Variants in SPATA17 observed in about 807,000 individuals in gnomAD.
The protein encoded by SPATA17 is spermatogenesis-associated protein 17.
In SPATA17, 53 loss-of-function variants were observed where a neutral mutation model predicts 62.2. That is an observed-to-expected ratio of 0.85 (90% CI 0.68 to 1.07). SPATA17 has a LOEUF of 1.07. SPATA17 is among the 50% of genes least tolerant of loss of function. The pLI, the probability that SPATA17 is intolerant of heterozygous loss-of-function variation, is 0.00. For missense variants in SPATA17, 466 were observed against 425.5 expected (o/e 1.10, Z -0.84); for synonymous variants, 146 against 146.8 (o/e 0.99, Z 0.04).
chr1:217,738,215 GA>G (rs1408814159), intron 5 of SPATA17, among the ~76,000 whole-genome samples: 1 of 152,186 alleles, frequency 6.6e-6, no homozygotes, highest in African/African-American at 2.4e-5. Flanking sequence ...AGGGAAAGGA[GA>G]AATTTATTTG....
chr1:217,671,422 T>A (rs1287584297), intron 4 of SPATA17, among the ~76,000 whole-genome samples: 1 of 152,222 alleles, frequency 6.6e-6, no homozygotes, highest in Non-Finnish European at 1.5e-5. Flanking sequence ...AGAAAAATTC[T>A]TTTTGCCTTC....
intron 4 of SPATA17, among the ~76,000 whole-genome samples, chr1:217,669,395 G>A (rs1003988931): frequency 2.0e-5 from 3 of 152,138 alleles, no homozygotes; most frequent in East Asian, 3.8e-4. Context: ...AGAATACATT[G>A]TGATAAATAG....
intron 9 of SPATA17, among the ~76,000 whole-genome samples, chr1:217,813,693 A>T (rs1674648551): frequency 6.6e-6 from 1 of 151,942 alleles, no homozygotes; most frequent in Admixed American, 6.6e-5. Context: ...TAGAGACTGA[A>T]TTTTTTCAGT....
At position 217,812,571 on chromosome 1, in the gene SPATA17, C is replaced by T. The variant is rs545419147; in HGVS notation, c.1005+10721C>T. Among the ~76,000 whole-genome samples, 5 of 152,066 alleles carry T rather than the reference C, an allele frequency of 3.3e-5. No homozygotes were observed. In the East Asian group the frequency reaches 5.8e-4, roughly 18 times the overall value. ...ATTCTAAGTCTGTGTCTTAAATGGT[C>T]GAACCTTTTAAGATCAGGTAAATTC... On this transcript the variant is annotated intron_variant, in intron 9 of 10. Transcript: ENST00000366933.
intron 9 of SPATA17, among the ~76,000 whole-genome samples, chr1:217,839,127 G>A (rs184539854): frequency 1.6e-3 from 242 of 152,182 alleles, no homozygotes; most frequent in African/African-American, 5.7e-3. Context: ...ATTGAGTAGT[G>A]CAGTGTCAAC....
intron 4 of SPATA17, among the ~76,000 whole-genome samples, chr1:217,670,612 T>C (rs535269956): frequency 1.2e-4 from 19 of 152,188 alleles, no homozygotes; most frequent in Non-Finnish European, 2.5e-4. Flanking sequence ...CAATGTTGAA[T>C]TTTACCTGAG....
chr1:217,840,825 C>T (rs1051709011), intron 9 of SPATA17, among the ~76,000 whole-genome samples: 2 of 151,826 alleles, frequency 1.3e-5, no homozygotes, highest in African/African-American at 4.8e-5. Flanking sequence ...CATCATTGCA[C>T]TCCAGCCTGA....
In SPATA17 at chr1:217,770,978, A is replaced by AATTTTTTTTTTTTTTTTTTTTTTTT. The variant is rs1553251071; in HGVS notation, c.520-3356_520-3355insATTTTTTTTTTTTTTTTTTTTTTTT. On this transcript the variant is annotated intron_variant, in intron 6 of 10. Coordinates refer to ENST00000366933, the MANE Select transcript of SPATA17 (RefSeq NM_138796.4). Reference sequence around the variant, plus strand: ...ATGTATCTATTATATAACTCATTGCATTTTTTTTTTTTTTTTTTTTTTTTT... The same window carrying AATTTTTTTTTTTTTTTTTTTTTTTT: ...ATGTATCTATTATATAACTCATTGCAATTTTTTTTTTTTTTTTTTTTTTTTTTTTTTTTTTTTTTTTTTTTTTTTT... 4.6e-4 allele frequency among the ~76,000 whole-genome samples: 23 copies of AATTTTTTTTTTTTTTTTTTTTTTTT among 50,164 alleles called. 3 individuals are homozygous for AATTTTTTTTTTTTTTTTTTTTTTTT. Among genetic ancestry groups the AATTTTTTTTTTTTTTTTTTTTTTTT allele is most frequent in the African/African-American group, 5.2e-4 (6 of 11,570 alleles). 32.9% of individuals were successfully genotyped at this position (50,164 alleles called of 152,430 possible). A position where few individuals can be genotyped will look rare whatever the true frequency, so the allele number is the denominator to read the frequency against.
chr1:217,790,140 G>A (rs1195867365), intron 8 of SPATA17, among the ~76,000 whole-genome samples: 2 of 152,182 alleles, frequency 1.3e-5, no homozygotes, highest in Non-Finnish European at 2.9e-5. Context: ...AACAAAGGGT[G>A]ATAGTTAAAG....
rs896443928 is a variant in SPATA17 at position 217,796,372 on chromosome 1, T to TTAA, written c.873-5327_873-5325dup. 1.5e-4 allele frequency among the ~76,000 whole-genome samples: 23 copies of TTAA among 151,850 alleles called. No individual in the cohort carries two copies. In the South Asian group the frequency reaches 1.9e-3, roughly 12 times the overall value. ...ACTGAGCCAAGGTGATTTGAGATTG[T>TTAA]TAATAATAATAATAATAATAAATCC... On this transcript the variant is annotated intron_variant, in intron 8 of 10. Transcript: ENST00000366933.
intron 5 of SPATA17, among the ~76,000 whole-genome samples, chr1:217,735,123 C>T (rs981711951): frequency 1.3e-5 from 2 of 152,188 alleles, no homozygotes; most frequent in Admixed American, 6.5e-5. Context: ...CTAGGTATTA[C>T]ACCAAGTGTT....
At chr1:217,636,889 T>A (rs913499761) in intron 1 of SPATA17, among the ~76,000 whole-genome samples, 6 of 152,352 alleles carry the variant, frequency 3.9e-5, no homozygotes, top group African/African-American at 1.2e-4. Flanking sequence ...CACTTAAAAA[T>A]TTTTAAAACA....
At chr1:217,650,186 G>A (rs561833354) in intron 2 of SPATA17, among the ~76,000 whole-genome samples, 5 of 152,094 alleles carry the variant, frequency 3.3e-5, no homozygotes, top group Admixed American at 2.0e-4. Context: ...TGATCCGCCC[G>A]CCTTGGCTTC....
At chr1:217,857,483 A>G (rs1253731035) in intron 9 of SPATA17, among the ~76,000 whole-genome samples, 1 of 152,222 alleles carries the variant, frequency 6.6e-6, no homozygotes, top group Admixed American at 6.5e-5. Flanking sequence ...AGCAAGGGCT[A>G]TGGCAGCATT....
chr1:217,669,412 A>G (rs998522350), intron 4 of SPATA17, among the ~76,000 whole-genome samples: 4 of 152,190 alleles, frequency 2.6e-5, no homozygotes, highest in East Asian at 1.9e-4. Flanking sequence ...ATAGATGAAC[A>G]TGGTTGTGAA....
intron 9 of SPATA17, among the ~76,000 whole-genome samples, chr1:217,852,554 T>C (rs1011739141): frequency 1.3e-4 from 20 of 152,322 alleles, no homozygotes; most frequent in Admixed American, 1.1e-3. Flanking sequence ...TGCAAAGCTA[T>C]GGTGCCCTTC....
chr1:217,715,662 T>G (rs1226899958), intron 5 of SPATA17, among the ~76,000 whole-genome samples: 1 of 147,426 alleles, frequency 6.8e-6, no homozygotes, highest in African/African-American at 2.5e-5. Context: ...ACACTTAGCT[T>G]GTCATGCAAA....
chr1:217,643,703 A>ACTCT (rs150236538), intron 1 of SPATA17, among the ~76,000 whole-genome samples: 32 of 147,518 alleles, frequency 2.2e-4, no homozygotes, highest in African/African-American at 6.5e-4. Flanking sequence ...AGAAAAAGAA[A>ACTCT]CTCTCTCTCT....
At chr1:217,738,483 A>G (rs977601711) in intron 5 of SPATA17, among the ~76,000 whole-genome samples, 5 of 152,242 alleles carry the variant, frequency 3.3e-5, no homozygotes, top group African/African-American at 1.2e-4. Context: ...ACTGTGTACC[A>G]GCCACTATTT....
Sources: allele counts gnomAD v4.1 joint callset (sites outside exome capture counted in the v4.1 genomes callset), GRCh38; gene constraint gnomAD v4.1.1; transcripts MANE v1.5; gene names NCBI Gene and HGNC (gene_info 2026-07-23, HGNC 2026-07-21).